Variants in GRIK1 observed in about 807,000 individuals in gnomAD.
The protein encoded by GRIK1 is glutamate ionotropic receptor kainate type subunit 1, also known as glutamate receptor ionotropic, kainate 1.
In GRIK1, 69 loss-of-function variants were observed where a neutral mutation model predicts 105.7. That is an observed-to-expected ratio of 0.65 (90% confidence interval 0.54 to 0.80). The LOEUF (loss-of-function observed/expected upper bound fraction) is 0.80. GRIK1 is among the 30% of genes least tolerant of loss of function. The pLI is 0.00. For missense variants in GRIK1, 1,109 were observed against 1,167.3 expected (o/e 0.95, Z 0.73); for synonymous variants, 438 against 431.3 (o/e 1.02, Z -0.19).
chr21:29,737,745 C>T (rs1192201762), intron 1 of GRIK1, among the ~76,000 whole-genome samples: 19 of 152,174 alleles, frequency 1.2e-4, no homozygotes, highest in Admixed American at 9.8e-4. Flanking sequence ...ATGGAGGTCA[C>T]GTGAAGGTTT....
rs1205314275 is a variant in GRIK1 at position 29,939,531 on chromosome 21, C to T, written c.-31G>A. On this transcript the variant is annotated 5_prime_UTR_variant, in exon 1 of 18. Transcript: ENST00000327783. ...TAGCTTCTTAATTCATGCCGAGATA[C>T]AGCCGCTGCCGGACGCCCGAGAGAT... is the stretch of plus-strand genomic sequence containing the variant. 1.4e-6 allele frequency: 2 copies of T among 1,407,422 alleles called. No individual in the cohort carries two copies. The highest frequency in any genetic ancestry group is 1.5e-5 in the African/African-American group (1 of 67,722). The allele number at this position is 1,407,422 out of a possible 1,614,324, so 87.2% of individuals were successfully genotyped here.
At chr21:29,937,918 T>TA (rs1387832701) in intron 1 of GRIK1, among the ~76,000 whole-genome samples, 4 of 152,022 alleles carry the variant, frequency 2.6e-5, no homozygotes, top group South Asian at 4.1e-4. Context: ...AGTTTTTTTT[T>TA]AAAAAAATAA....
intron 1 of GRIK1, among the ~76,000 whole-genome samples, chr21:29,838,552 G>A (rs191434684): frequency 4.1e-4 from 63 of 152,272 alleles, no homozygotes; most frequent in Admixed American, 3.3e-4. Context: ...GTTTAACTGG[G>A]TTGAACTCAA....
At chr21:29,812,205 A>G (rs1237961561) in intron 1 of GRIK1, among the ~76,000 whole-genome samples, 1 of 152,100 alleles carries the variant, frequency 6.6e-6, no homozygotes, top group Non-Finnish European at 1.5e-5. Flanking sequence ...CTCTACTGTA[A>G]CCTCAATCTC....
intron 2 of GRIK1, 94 bp downstream of exon 2, chr21:29,693,802 G>T: frequency 2.3e-6 from 2 of 874,396 alleles, no homozygotes; most frequent in Non-Finnish European, 3.7e-6. Flanking sequence ...GCACAAAGAT[G>T]CCCGCTTTAA....
At chr21:29,917,038 A>G (rs2071023408) in intron 1 of GRIK1, among the ~76,000 whole-genome samples, 1 of 151,998 alleles carries the variant, frequency 6.6e-6, no homozygotes, top group South Asian at 2.1e-4. Context: ...CGAAATCAAC[A>G]TGCTTCTGAT....
At chr21:29,770,951 A>T (rs570582151) in intron 1 of GRIK1, among the ~76,000 whole-genome samples, 2 of 152,344 alleles carry the variant, frequency 1.3e-5, no homozygotes, top group South Asian at 4.1e-4. Context: ...AAGTGGGATG[A>T]GTCAGGAGGG....
chr21:29,877,238 C>T (rs186163529), intron 1 of GRIK1, among the ~76,000 whole-genome samples: 37 of 152,106 alleles, frequency 2.4e-4, no homozygotes, highest in Admixed American at 3.9e-4. Flanking sequence ...TTCATTGATG[C>T]TAGGCAAGGA....
At chr21:29,579,072 C>A (rs2090959337) in intron 13 of GRIK1, among the ~76,000 whole-genome samples, 1 of 152,028 alleles carries the variant, frequency 6.6e-6, no homozygotes, top group Non-Finnish European at 1.5e-5. Flanking sequence ...GACAGGTGAA[C>A]AACAGGCTGT....
In GRIK1 at chr21:29,744,903, G is replaced by A. The variant is rs542284249; in HGVS notation, c.119-50840C>T. On this transcript the variant is annotated intron_variant, in intron 1 of 17. Transcript: ENST00000327783. ...CTGTATTTTACAGAAGAGGAAAGTC[G>A]GCTTAGAGAAACGTAGTCACTTGTT... is the stretch of plus-strand genomic sequence containing the variant. 2.6e-5 allele frequency among the ~76,000 whole-genome samples: 4 copies of A among 152,280 alleles called. No individual in the cohort carries two copies. In the East Asian group the frequency reaches 5.8e-4, roughly 22 times the overall value.
chr21:29,879,380 G>C (rs1288758578), intron 1 of GRIK1, among the ~76,000 whole-genome samples: 2 of 151,954 alleles, frequency 1.3e-5, no homozygotes, highest in Admixed American at 1.3e-4. Flanking sequence ...CTGTCAAAGG[G>C]GAAGAGTTAG....
Position 29,556,840 on chromosome 21 carries a change from G to C in GRIK1, c.2357-1538C>G, listed in dbSNP as rs192297762. Among the ~76,000 whole-genome samples the C allele has an allele frequency of 1.8e-4, 28 of 152,304 alleles. 1 individual carries two copies. In the East Asian group the frequency reaches 5.0e-3, roughly 27 times the overall value. ...TTCAATCCGCACTGGACTGTGGCAAGATCAAGAAATTAACATTGAATGTGT... is the reference window on the plus strand; with the variant it reads ...TTCAATCCGCACTGGACTGTGGCAACATCAAGAAATTAACATTGAATGTGT... On this transcript the variant is annotated intron_variant, in intron 15 of 17. Transcript: ENST00000327783.
At chr21:29,741,060 A>C (rs1025999986) in intron 1 of GRIK1, among the ~76,000 whole-genome samples, 10 of 152,182 alleles carry the variant, frequency 6.6e-5, no homozygotes, top group African/African-American at 1.2e-4. Flanking sequence ...ATCCTCAGAC[A>C]CCTGGTTAAT....
chr21:29,722,423 G>A (rs2064344990), intron 1 of GRIK1, among the ~76,000 whole-genome samples: 1 of 151,950 alleles, frequency 6.6e-6, no homozygotes, highest in African/African-American at 2.4e-5. Context: ...AGGTGTGGTG[G>A]TGGGCGCCTG....
At chr21:29,663,782 A>G (rs911001187) in intron 4 of GRIK1, among the ~76,000 whole-genome samples, 6 of 152,224 alleles carry the variant, frequency 3.9e-5, no homozygotes, top group East Asian at 3.9e-4. Context: ...TCCAGGGTGG[A>G]GAGGGTGGCA....
At chr21:29,812,826 T>A (rs1295356999) in intron 1 of GRIK1, among the ~76,000 whole-genome samples, 5 of 152,164 alleles carry the variant, frequency 3.3e-5, no homozygotes, top group African/African-American at 1.2e-4. Flanking sequence ...TGTGCTAAAT[T>A]TTCCAAACGC....
chr21:29,548,531 T>G (rs1320289731), intron 16 of GRIK1, among the ~76,000 whole-genome samples: 1 of 148,932 alleles, frequency 6.7e-6, no homozygotes, highest in Non-Finnish European at 1.5e-5. Context: ...ATAATACCAT[T>G]TGGCACTGTT....
intron 4 of GRIK1, among the ~76,000 whole-genome samples, chr21:29,664,604 A>G (rs894720031): frequency 6.6e-6 from 1 of 151,604 alleles, no homozygotes; most frequent in African/African-American, 2.4e-5. Flanking sequence ...GGCACATAGA[A>G]CTCTACGGGC....
intron 1 of GRIK1, among the ~76,000 whole-genome samples, chr21:29,783,908 A>G (rs1210617742): frequency 1.3e-5 from 2 of 152,170 alleles, no homozygotes; most frequent in African/African-American, 4.8e-5. Context: ...CCTATGAACA[A>G]ACTGAGCCCC....
Sources: gnomAD v4.1 joint callset for allele counts (sites outside exome capture counted in the v4.1 genomes callset) on GRCh38, gnomAD v4.1.1 for gene constraint, MANE v1.5 for transcripts, NCBI Gene and HGNC (gene_info 2026-07-23, HGNC 2026-07-21) for gene names.